Variants in PRKCZ observed in about 807,000 individuals in gnomAD.
PRKCZ encodes the protein protein kinase C zeta, also known as protein kinase C zeta type.
A neutral mutation model predicts 79.5 loss-of-function variants in PRKCZ; 33 were observed. The observed-to-expected ratio is 0.41, with a 90% confidence interval of 0.31 to 0.55. The LOEUF (loss-of-function observed/expected upper bound fraction) is 0.55. Ranked by LOEUF, PRKCZ falls within the 20% of genes least tolerant of loss-of-function variation. The pLI, the probability that PRKCZ is intolerant of heterozygous loss-of-function variation, is 0.19. For missense variants in PRKCZ, 578 were observed against 813.5 expected, an observed-to-expected ratio of 0.71 and a Z score of 3.52; for synonymous variants, 342 against 320.9, an observed-to-expected ratio of 1.07 and a Z score of -0.70.
intron 4 of PRKCZ, among the ~76,000 whole-genome samples, chr1:2,113,910 G>A (rs1010360493): frequency 1.9e-4 from 29 of 152,254 alleles, no homozygotes; most frequent in African/African-American, 6.3e-4. Flanking sequence ...AGATGATGGT[G>A]TGGGAGTGTA....
At position 2,075,876 on chromosome 1, in the gene PRKCZ, G is replaced by A. The variant is rs925255837; in HGVS notation, c.334+16285G>A. ...CCGTGCTTGTGACCTGCTCTCGTGT[G>A]TGTAGCAGCGGGGGCTGCGTCTCAT... is the stretch of plus-strand genomic sequence containing the variant. On this transcript the variant is annotated intron_variant, in intron 4 of 17. Coordinates refer to ENST00000378567, the MANE Select transcript of PRKCZ (RefSeq NM_002744.6). This position sits in a 1 kb window ranked among gnomAD's most constrained non-coding sequence, Gnocchi z 4.8. 6.6e-6 allele frequency among the ~76,000 whole-genome samples: 1 copy of A among 152,260 alleles called. No individual in the cohort carries two copies. The highest frequency in any genetic ancestry group is 6.5e-5 in the Admixed American group (1 of 15,290).
At chr1:2,150,644 T>C (rs1679704496) in intron 8 of PRKCZ, 146 bp from the exon 9 acceptor site, 1 of 757,438 alleles carries the variant, frequency 1.3e-6, no homozygotes, top group Admixed American at 3.0e-5. Flanking sequence ...GGGTGGGATA[T>C]GTGGGACGCA....
chr1:2,074,173 G>A lies in PRKCZ; in HGVS notation c.334+14582G>A. ...GTCAGGGGAAACGCAGTGAGAGGCT[G>A]TTGTTTTGCGGGTGACAGATTTTTA... On this transcript the variant is annotated intron_variant, in intron 4 of 17. Coordinates refer to ENST00000378567, the MANE Select transcript of PRKCZ (RefSeq NM_002744.6). The A allele has an allele frequency of 1.9e-6, 3 of 1,549,686 alleles. No individual in the cohort carries two copies. The South Asian group carries it at 3.6e-5, about 18-fold the overall frequency.
chr1:2,052,314 T>G (rs1469490284), intron 1 of PRKCZ, among the ~76,000 whole-genome samples: 1 of 152,064 alleles, frequency 6.6e-6, no homozygotes, highest in Non-Finnish European at 1.5e-5. Flanking sequence ...ACTTTGGTGG[T>G]GGGGCGGGTG....
At chr1:2,072,564 G>T (rs1661696668) in intron 4 of PRKCZ, among the ~76,000 whole-genome samples, 1 of 152,248 alleles carries the variant, frequency 6.6e-6, no homozygotes, top group Non-Finnish European at 1.5e-5. Flanking sequence ...CCAGGCTCTG[G>T]GGTGCAGGGG....
chr1:2,085,858 T>G (rs2803310), intron 4 of PRKCZ, among the ~76,000 whole-genome samples: 1 of 151,870 alleles, frequency 6.6e-6, no homozygotes, highest in East Asian at 2.0e-4. Context: ...AGGTCTGCAC[T>G]CATGGGTGGG....
intron 4 of PRKCZ, among the ~76,000 whole-genome samples, chr1:2,060,198 G>A (rs534236750): frequency 2.8e-4 from 42 of 152,378 alleles, no homozygotes; most frequent in African/African-American, 8.9e-4. Context: ...TCCAGCATCC[G>A]TGCCATGCCT....
chr1:2,079,271 A>G (rs1346560426), intron 4 of PRKCZ, among the ~76,000 whole-genome samples: 1 of 152,258 alleles, frequency 6.6e-6, no homozygotes, highest in Non-Finnish European at 1.5e-5. Flanking sequence ...CACCCAGCAC[A>G]TTCATGGCTG....
chr1:2,121,111 G>A (rs908917688), intron 4 of PRKCZ, among the ~76,000 whole-genome samples: 1 of 152,204 alleles, frequency 6.6e-6, no homozygotes, highest in Non-Finnish European at 1.5e-5. Context: ...ACTGCGCCTG[G>A]CATCGTAGTT....
chr1:2,136,920 G>A (rs1160973536), intron 5 of PRKCZ, among the ~76,000 whole-genome samples: 1 of 152,170 alleles, frequency 6.6e-6, no homozygotes, highest in Non-Finnish European at 1.5e-5. Flanking sequence ...GTTCTCCAGA[G>A]GGATGGTACC....
chr1:2,102,355 T>C (rs770505994), intron 4 of PRKCZ, among the ~76,000 whole-genome samples: 3 of 151,782 alleles, frequency 2.0e-5, no homozygotes, highest in Non-Finnish European at 2.9e-5. Flanking sequence ...GTTTTTGAGA[T>C]GAAGTCTCAC....
chr1:2,179,985 AGGGAGGCGGTTAT>A (rs974217382), intron 16 of PRKCZ, among the ~76,000 whole-genome samples: 1 of 152,020 alleles, frequency 6.6e-6, no homozygotes, highest in Non-Finnish European at 1.5e-5. Context: ...TGGGAGCAGG[AGGGAGGCGGTTAT>A]GGGAGACGTG....
At chr1:2,060,840 G>A (rs28397233) in intron 4 of PRKCZ, among the ~76,000 whole-genome samples, 1 of 152,200 alleles carries the variant, frequency 6.6e-6, no homozygotes, top group Non-Finnish European at 1.5e-5. Flanking sequence ...TTTGGAGGCA[G>A]GTGGCCAGAC....
intron 10 of PRKCZ, 62 bp downstream of exon 10, chr1:2,156,154 T>C: frequency 6.8e-7 from 1 of 1,479,496 alleles, no homozygotes; most frequent in Non-Finnish European, 9.4e-7. Flanking sequence ...GCACAGAAGC[T>C]AAGTCTGGTG....
chr1:2,071,171 TC>T, intron 4 of PRKCZ: 1 of 240,176 alleles, frequency 4.2e-6, no homozygotes, highest in South Asian at 3.5e-5. Flanking sequence ...TGGGTGGGGC[TC>T]CCCGTGCCCC....
intron 3 of PRKCZ, among the ~76,000 whole-genome samples, chr1:2,057,270 C>T (rs531983470): frequency 6.6e-6 from 1 of 152,318 alleles, no homozygotes; most frequent in South Asian, 2.1e-4. Context: ...GTGATCATTT[C>T]CACTTTGTCT....
chr1:2,092,106 G>A (rs891530121), intron 4 of PRKCZ, among the ~76,000 whole-genome samples: 7 of 152,162 alleles, frequency 4.6e-5, no homozygotes, highest in African/African-American at 1.4e-4. Context: ...GGCAGGCATC[G>A]CGCTTCTCCC....
intron 4 of PRKCZ, among the ~76,000 whole-genome samples, chr1:2,120,593 GCCAGC>G (rs1671699208): frequency 6.6e-6 from 1 of 151,812 alleles, no homozygotes; most frequent in African/African-American, 2.4e-5. Context: ...ACCGTGCCCG[GCCAGC>G]CCTTGGCTTT....
intron 16 of PRKCZ, among the ~76,000 whole-genome samples, chr1:2,179,780 T>C (rs1422068877): frequency 6.6e-6 from 1 of 152,060 alleles, no homozygotes; most frequent in Non-Finnish European, 1.5e-5. Flanking sequence ...GAGCAAGGAC[T>C]CTAATGCTTC....
Sources: allele counts gnomAD v4.1 joint callset (sites outside exome capture counted in the v4.1 genomes callset), GRCh38; gene constraint gnomAD v4.1.1; non-coding constraint Gnocchi (gnomAD v3.1); transcripts MANE v1.5; gene names NCBI Gene and HGNC (gene_info 2026-07-23, HGNC 2026-07-21).